Variants in GUK1 observed in about 807,000 individuals in gnomAD.
The protein encoded by GUK1 is guanylate kinase 1, also known as guanylate kinase.
A neutral mutation model predicts 25.2 loss-of-function variants in GUK1; 18 were observed. The observed-to-expected ratio is 0.71, with a 90% CI of 0.49 to 1.06. The LOEUF (loss-of-function observed/expected upper bound fraction) is 1.06, where lower values mean the gene tolerates loss of function less well. GUK1 is among the 50% of genes least tolerant of loss of function. The pLI, the probability that GUK1 is intolerant of heterozygous loss-of-function variation, is 0.00. For synonymous variants in GUK1, 105 were observed against 117.6 expected (o/e 0.89, Z 0.69); for missense variants, 261 against 276.7 (o/e 0.94, Z 0.40).
intron 2 of GUK1, chr1:228,141,691 G>A: frequency 7.8e-7 from 1 of 1,285,758 alleles, no homozygotes; most frequent in Non-Finnish European, 1.0e-6. Context: ...GCCTTTCCAG[G>A]AAAGCGGCTG....
upstream of GUK1, chr1:228,140,199 C>A: frequency 1.1e-6 from 1 of 925,710 alleles, no homozygotes. Context: ...ACGAGTGAGA[C>A]ATGGGCGGGG....
At chr1:228,145,756 TC>T in intron 3 of GUK1, 132 bp downstream of exon 2, 25 of 1,075,540 alleles carry the variant, frequency 2.3e-5, no homozygotes, top group Non-Finnish European at 2.9e-5. Flanking sequence ...TCTTGCACAC[TC>T]CCCCCCACAC....
At chr1:228,145,467 C>G in intron 2 of GUK1, 44 bp from the exon 2 acceptor site, 1 of 1,543,730 alleles carries the variant, frequency 6.5e-7, no homozygotes, top group Non-Finnish European at 8.8e-7. Context: ...CAGATGGGGA[C>G]TAGAGGCCGC....
intron 2 of GUK1, among the ~76,000 whole-genome samples, chr1:228,143,414 C>T (rs999621062): frequency 2.6e-5 from 4 of 152,208 alleles, no homozygotes; most frequent in East Asian, 3.9e-4. Context: ...TTTTCTCCTT[C>T]GTATTAGAAA....
chr1:228,145,416 C>T, intron 2 of GUK1, 95 bp from the exon 2 acceptor site: 1 of 1,298,134 alleles, frequency 7.7e-7, no homozygotes, highest in Non-Finnish European at 1.0e-6. Flanking sequence ...CCTGGGTCAG[C>T]CCTTTCCTGC....
chr1:228,143,004 C>A (rs924559044), intron 2 of GUK1, among the ~76,000 whole-genome samples: 4 of 152,136 alleles, frequency 2.6e-5, no homozygotes. Context: ...GAGCCTGGAC[C>A]CCTGCCTGGC....
rs139322242 is a variant in GUK1 at position 228,148,430 on chromosome 1, G to T, written c.535G>T (p.Ala179Ser). Residue 179 changes from alanine (A) to serine (S), a missense_variant, in exon 8 of 9, where the codon GCA (alanine) becomes TCA (serine). Coordinates refer to ENST00000312726, the MANE Select transcript of GUK1 (RefSeq NM_000858.7). Reference sequence around the variant, plus strand: ...TAACGACAGCCTGGACCAGGCCTACGCAGAGCTGAAGGAGGCGCTCTCTGA... The same window carrying T: ...TAACGACAGCCTGGACCAGGCCTACTCAGAGCTGAAGGAGGCGCTCTCTGA... 10 of 1,572,886 alleles carry T rather than the reference G, an allele frequency of 6.4e-6. 1 individual carries two copies. In the South Asian group the frequency reaches 1.0e-4, roughly 16 times the overall value.
Position 228,148,899 on chromosome 1 carries a change from T to C in GUK1, c.*202T>C. 3 of 1,328,452 alleles carry C rather than the reference T, an allele frequency of 2.3e-6. No individual in the cohort carries two copies. The highest frequency in any genetic ancestry group is 2.1e-6 in the Non-Finnish European group (2 of 965,278). 82.3% of individuals were successfully genotyped at this position (1,328,452 alleles called of 1,614,324 possible). A position where few individuals can be genotyped will look rare whatever the true frequency, so the allele number is the denominator to read the frequency against. ...GCTGTCCCCTGTCCCTATCTCTCAC[T>C]CTGGACCCAGGGCTGACATCCTAAT... is the stretch of plus-strand genomic sequence containing the variant. On this transcript the variant is annotated 3_prime_UTR_variant, in exon 9 of 9. Transcript: ENST00000312726.
chr1:228,147,708 G>A lies in GUK1; in HGVS notation c.475+9G>A, dbSNP rs754966589. 6 of 1,611,304 alleles carry A rather than the reference G, an allele frequency of 3.7e-6. No individual in the cohort carries two copies. Among genetic ancestry groups the A allele is most frequent in the Non-Finnish European group, 5.1e-6 (6 of 1,178,808 alleles). Reference sequence around the variant, plus strand: ...GGCCGACATGGAGAGCAGTGAGTGTGCCGTGGGATCACCAGGGAATGCCAG... The same window carrying A: ...GGCCGACATGGAGAGCAGTGAGTGTACCGTGGGATCACCAGGGAATGCCAG... On this transcript the variant is annotated intron_variant, in intron 7 of 8. Transcript: ENST00000312726.
intron 4 of GUK1, 70 bp downstream of exon 3, chr1:228,146,137 G>A: frequency 9.5e-7 from 1 of 1,047,532 alleles, no homozygotes; most frequent in South Asian, 1.3e-5. Context: ...CTGCAGCTGT[G>A]TTGGCTGTGC....
At position 228,146,007 on chromosome 1, in the gene GUK1, T is replaced by C. The variant is rs2124945275; in HGVS notation, c.113-19T>C. Reference sequence around the variant, plus strand: ...TGGGCTCCGAGCAGCCCCCGATGGGTGACAGGTCTCTCTGCTAGATACCAC... The same window carrying C: ...TGGGCTCCGAGCAGCCCCCGATGGGCGACAGGTCTCTCTGCTAGATACCAC... On this transcript the variant is annotated intron_variant, in intron 3 of 8. Coordinates refer to ENST00000312726, the MANE Select transcript of GUK1 (RefSeq NM_000858.7). 1.9e-6 allele frequency: 3 copies of C among 1,601,288 alleles called. No individual in the cohort carries two copies. The highest frequency in any genetic ancestry group is 4.5e-5 in the East Asian group (2 of 44,786).
rs1558115854 is a variant in GUK1, at chr1:228,148,688, C to CG, written c.587dup (p.Ala197ArgfsTer54). ...AGGAAATCAAGAAAGCTCAAAGGAC[C>CG]GGCGCCTGAGGCTTGCTGTCTGTTC... is the stretch of plus-strand genomic sequence containing the variant. On this transcript the variant is annotated frameshift_variant, in exon 9 of 9. Transcript: ENST00000312726. LOFTEE classifies it high-confidence loss of function. 4.4e-6 allele frequency: 7 copies of CG among 1,600,010 alleles called. No homozygotes were observed. Among genetic ancestry groups the CG allele is most frequent in the Non-Finnish European group, 6.0e-6 (7 of 1,173,704 alleles).
rs1368623326 is a variant in GUK1, at chr1:228,141,143, TGG to T, written c.-145_-144del. On this transcript the variant is annotated 5_prime_UTR_variant, in exon 2 of 9. Transcript: ENST00000312726. Reference sequence around the variant, plus strand: ...TCTCAGGCTTGCTCTGCTCTTTACCTGGGGTTGCTGTCGAGGACCCTGTGCAA... The same window carrying T: ...TCTCAGGCTTGCTCTGCTCTTTACCTGGTTGCTGTCGAGGACCCTGTGCAA... The T allele has an allele frequency of 1.0e-6, 1 of 985,612 alleles. No individual in the cohort carries two copies. The highest frequency in any genetic ancestry group is 1.2e-6 in the Non-Finnish European group (1 of 830,170). The allele number at this position is 985,612 out of a possible 1,614,324, so 61.1% of individuals were successfully genotyped here. A position where few individuals can be genotyped will look rare whatever the true frequency, so the allele number is the denominator to read the frequency against.
rs190651170 is a variant in GUK1 at position 228,148,641 on chromosome 1, A to G, written c.562-24A>G. 3,802 of 1,581,246 alleles carry G rather than the reference A, an allele frequency of 2.4e-3. 9 individuals are homozygous for G. Among genetic ancestry groups the G allele is most frequent in the South Asian group, 3.6e-3 (322 of 90,456 alleles). ...CCCTTCCTGGATACCAGCCCTCCCA[A>G]CTCCCTTTCTTCCTCACTGGCAGGA... is the stretch of plus-strand genomic sequence containing the variant. On this transcript the variant is annotated intron_variant, in intron 8 of 8. Transcript: ENST00000312726.
At chr1:228,142,740 C>G (rs1371755931) in intron 2 of GUK1, among the ~76,000 whole-genome samples, 4 of 152,060 alleles carry the variant, frequency 2.6e-5, no homozygotes, top group African/African-American at 7.2e-5. Flanking sequence ...CCAGCACCCC[C>G]CATTCCTGGG....
At chr1:228,143,645 C>T (rs916879493) in intron 2 of GUK1, among the ~76,000 whole-genome samples, 9 of 152,118 alleles carry the variant, frequency 5.9e-5, no homozygotes, top group Non-Finnish European at 7.4e-5. Context: ...TTGCAGGGCT[C>T]GCTGGCTGGG....
intron 8 of GUK1, 41 bp downstream of exon 7, chr1:228,148,497 G>A: frequency 6.7e-7 from 1 of 1,487,318 alleles, no homozygotes; most frequent in East Asian, 2.3e-5. Context: ...GGCCCAAGGG[G>A]AGGCCTGGGG....
intron 2 of GUK1, among the ~76,000 whole-genome samples, chr1:228,143,270 C>T (rs1036444170): frequency 6.6e-6 from 1 of 152,194 alleles, no homozygotes; most frequent in Non-Finnish European, 1.5e-5. Context: ...TGTGGGTTGG[C>T]AGGGCAGAGT....
In GUK1 at chr1:228,147,453, T is replaced by C. The variant is rs1402675589; in HGVS notation, c.299T>C (p.Leu100Pro). The C allele has an allele frequency of 2.5e-6, 4 of 1,612,594 alleles. No individual in the cohort carries two copies. The highest frequency in any genetic ancestry group is 3.4e-6 in the Non-Finnish European group (4 of 1,179,658). The change falls in exon 6 of 9, where the codon CTG becomes CCG. Residue 100 changes from leucine (L) to proline (P), a missense_variant. By Grantham distance (98) the Leu-to-Pro change is moderately conservative. Transcript: ENST00000312726. ...CAGGCCATGAACCGCATCTGTGTGC[T>C]GGACGTGGACCTGCAGGGTGTGCGG... is the stretch of plus-strand genomic sequence containing the variant.
Sources: allele counts gnomAD v4.1 joint callset (sites outside exome capture counted in the v4.1 genomes callset), GRCh38; gene constraint gnomAD v4.1.1; transcripts MANE v1.5; gene names NCBI Gene and HGNC (gene_info 2026-07-23, HGNC 2026-07-21).